SLC6A5: variants seen among roughly 807,000 people sequenced by gnomAD.
The protein encoded by SLC6A5 is sodium- and chloride-dependent glycine transporter 2.
Under a neutral mutation model 90.5 loss-of-function variants are expected in SLC6A5, and 58 were observed. That is an observed-to-expected ratio of 0.64 (90% CI 0.52 to 0.80). SLC6A5 has a LOEUF of 0.80. Among genes scored for constraint, SLC6A5 ranks in the 30% least tolerant of loss-of-function variants. The pLI is 0.00. For missense variants in SLC6A5, 1,015 were observed against 1,017.6 expected (o/e 1.00, Z 0.03); for synonymous variants, 427 against 401.4 (o/e 1.06, Z -0.76).
At chr11:20,644,816 T>C (rs1469728830) in intron 13 of SLC6A5, among the ~76,000 whole-genome samples, 1 of 151,790 alleles carries the variant, frequency 6.6e-6, no homozygotes, top group Non-Finnish European at 1.5e-5. Flanking sequence ...TTTTTCTTTT[T>C]CTTTTTTTTT....
Position 20,654,792 on chromosome 11 carries a change from T to C in SLC6A5, c.2318T>C (p.Met773Thr), listed in dbSNP as rs747165353. The change falls in exon 16 of 16, where the codon ATG (methionine) becomes ACG (threonine). Residue 773 changes from methionine (M) to threonine (T), a missense_variant. Met to Thr is a moderately conservative substitution (Grantham distance 81). Transcript: ENST00000525748. ...AQHRGERYKNMIDPLGTSSLG... is the reference protein window; with the variant it reads ...AQHRGERYKNTIDPLGTSSLG... ...CACCGCGGGGAGCGTTACAAGAACA[T>C]GATCGACCCCTTGGGAACCTCTTCC... 5 of 1,614,052 alleles carry C rather than the reference T, an allele frequency of 3.1e-6. No individual in the cohort carries two copies. Among genetic ancestry groups the C allele is most frequent in the Non-Finnish European group, 4.2e-6 (5 of 1,180,038 alleles).
chr11:20,646,887 A>T lies in SLC6A5; in HGVS notation c.2023A>T (p.Ile675Phe). ...GATGATGATTGGATTCCAGCCTAAC[A>T]TCTTCTGGAAAGTCTGCTGGGCATT... ...IEMMIGFQPN[I>F]FWKVCWAFVT... Residue 675 changes from isoleucine (I) to phenylalanine (F), a missense_variant, in exon 14 of 16, where the codon ATC becomes TTC. Ile to Phe is a conservative substitution (Grantham distance 21). This residue lies in a region of SLC6A5 where 442 missense variants were observed against 494.3 expected (regional missense o/e 0.89). Transcript: ENST00000525748. 6.2e-7 allele frequency: 1 copy of T among 1,613,898 alleles called. No homozygotes were observed. Among genetic ancestry groups the T allele is most frequent in the Non-Finnish European group, 8.5e-7 (1 of 1,179,896 alleles).
intron 5 of SLC6A5, among the ~76,000 whole-genome samples, chr11:20,609,774 G>A (rs1414211810): frequency 6.6e-6 from 1 of 152,200 alleles, no homozygotes; most frequent in Non-Finnish European, 1.5e-5. Context: ...TGCTGCAAGG[G>A]ACACATTCCA....
intron 9 of SLC6A5, chr11:20,629,214 G>T (rs577045144): frequency 5.9e-5 from 9 of 152,302 alleles, no homozygotes; most frequent in East Asian, 5.8e-4. Flanking sequence ...TGCGATGAAG[G>T]TAGAGACACT....
rs570852984 is a variant in SLC6A5 at position 20,658,940 on chromosome 11, G to A, written c.*4072G>A. The stretch of plus-strand genomic sequence containing the variant: ...GTACTTGGCTAATGTCCTAAATGCA[G>A]GCATCTTTTGTGGGTACTGTTGCCC... On this transcript the variant is annotated 3_prime_UTR_variant, in exon 16 of 16. Coordinates refer to ENST00000525748, the MANE Select transcript of SLC6A5 (RefSeq NM_004211.5). The A allele has an allele frequency of 6.6e-6, 1 of 152,024 alleles. No homozygotes were observed. The highest frequency in any genetic ancestry group is 6.5e-5 in the Admixed American group (1 of 15,270). The allele number at this position is 152,024 out of a possible 1,614,324, so 9.4% of individuals were successfully genotyped here.
rs1181037002 is a variant in SLC6A5 at position 20,621,679 on chromosome 11, C to T, written c.1260+3795C>T. The stretch of plus-strand genomic sequence containing the variant: ...CAAGGTGGATGCGCAGCTGAAGGTG[C>T]TTTATGATGAACTCCTTTGTGATTG... On this transcript the variant is annotated intron_variant, in intron 7 of 15. Coordinates refer to ENST00000525748, the MANE Select transcript of SLC6A5 (RefSeq NM_004211.5). Among the ~76,000 whole-genome samples the T allele has an allele frequency of 1.7e-4, 26 of 152,220 alleles. 1 individual carries two copies. The highest frequency in any genetic ancestry group is 1.7e-3 in the Admixed American group (26 of 15,282).
intron 3 of SLC6A5, among the ~76,000 whole-genome samples, chr11:20,605,906 G>C (rs1017215178): frequency 6.6e-6 from 1 of 152,250 alleles, no homozygotes; most frequent in Non-Finnish European, 1.5e-5. Flanking sequence ...CCAGCAGCCG[G>C]CGGCTGCCCC....
intron 9 of SLC6A5, among the ~76,000 whole-genome samples, chr11:20,628,611 G>A (rs1225264934): frequency 6.6e-6 from 1 of 152,138 alleles, no homozygotes; most frequent in African/African-American, 2.4e-5. Flanking sequence ...ATATGAATTT[G>A]GTAGTGATAG....
intron 5 of SLC6A5, among the ~76,000 whole-genome samples, chr11:20,612,470 G>A (rs1380679059): frequency 1.3e-5 from 2 of 152,166 alleles, no homozygotes; most frequent in African/African-American, 4.8e-5. Flanking sequence ...CTCTTCCACA[G>A]AGAACATAAA....
intron 5 of SLC6A5, among the ~76,000 whole-genome samples, chr11:20,612,159 T>C (rs1295071215): frequency 6.6e-6 from 1 of 152,182 alleles, no homozygotes; most frequent in East Asian, 1.9e-4. Context: ...CTGCGGTGTG[T>C]ATGGGAAGTG....
chr11:20,641,665 C>T (rs556359386), intron 13 of SLC6A5, among the ~76,000 whole-genome samples: 198 of 152,216 alleles, frequency 1.3e-3, no homozygotes, highest in African/African-American at 4.6e-3. Flanking sequence ...TTCCCTAGTT[C>T]CATTTTCTGG....
At chr11:20,649,905 T>G (rs1368309093) in intron 14 of SLC6A5, among the ~76,000 whole-genome samples, 1 of 152,248 alleles carries the variant, frequency 6.6e-6, no homozygotes, top group Non-Finnish European at 1.5e-5. Context: ...AGTAGACATC[T>G]CTTTCCATAG....
chr11:20,639,967 CCTG>C (rs1853281793), intron 13 of SLC6A5, among the ~76,000 whole-genome samples: 1 of 152,202 alleles, frequency 6.6e-6, no homozygotes, highest in Non-Finnish European at 1.5e-5. Context: ...TGATTGAAGA[CCTG>C]CTGTCGGAGT....
intron 14 of SLC6A5, among the ~76,000 whole-genome samples, chr11:20,648,310 C>T (rs969011770): frequency 1.3e-5 from 2 of 152,224 alleles, no homozygotes; most frequent in Admixed American, 6.5e-5. Context: ...CCTTCCCTCC[C>T]TCTCTTCCCT....
chr11:20,638,090 G>A (rs980936808), intron 12 of SLC6A5, among the ~76,000 whole-genome samples: 3 of 152,204 alleles, frequency 2.0e-5, no homozygotes, highest in Non-Finnish European at 4.4e-5. Flanking sequence ...AGGGTCAATC[G>A]AATGCAGATA....
chr11:20,612,117 G>T (rs1043857584), intron 5 of SLC6A5, among the ~76,000 whole-genome samples: 2 of 152,110 alleles, frequency 1.3e-5, no homozygotes, highest in African/African-American at 4.8e-5. Flanking sequence ...TCTTATTATT[G>T]TTTCCATTTT....
At chr11:20,637,370 C>A in intron 12 of SLC6A5, 67 bp downstream of exon 12, 3 of 1,409,788 alleles carry the variant, frequency 2.1e-6, no homozygotes, top group Non-Finnish European at 3.0e-6. Flanking sequence ...AGCTATCTGT[C>A]TTTCAACCCT....
chr11:20,627,502 C>T (rs972386166), intron 8 of SLC6A5, among the ~76,000 whole-genome samples: 2 of 152,172 alleles, frequency 1.3e-5, no homozygotes, highest in African/African-American at 2.4e-5. Flanking sequence ...GCAGGTAGGA[C>T]GTGACACTAT....
At position 20,638,569 on chromosome 11, in the gene SLC6A5, C is replaced by G. The variant is rs778125181; in HGVS notation, c.1969+11C>G. On this transcript the variant is annotated intron_variant, in intron 13 of 15. Coordinates refer to ENST00000525748, the MANE Select transcript of SLC6A5 (RefSeq NM_004211.5). ...TCTCTTATGTGTATGGTAAGGAAAT[C>G]ACTGTGCCTGTTGCTGAAGTAGAGC... The G allele has an allele frequency of 6.6e-7, 1 of 1,507,326 alleles. No homozygotes were observed. Among genetic ancestry groups the G allele is most frequent in the Admixed American group, 1.7e-5 (1 of 59,898 alleles). The allele number at this position is 1,507,326 out of a possible 1,614,324, so 93.4% of individuals were successfully genotyped here. A position where few individuals can be genotyped will look rare whatever the true frequency, so the allele number is the denominator to read the frequency against.
Sources: gnomAD v4.1 joint callset for allele counts (sites outside exome capture counted in the v4.1 genomes callset) on GRCh38, gnomAD v4.1.1 for gene constraint, gnomAD v4.1.1 regional missense constraint, MANE v1.5 for transcripts, NCBI Gene and HGNC (gene_info 2026-07-23, HGNC 2026-07-21) for gene names.